Variants in GBP7 observed in about 807,000 individuals in gnomAD.
The protein encoded by GBP7 is guanylate binding protein 7.
Under a neutral mutation model 61.3 loss-of-function variants are expected in GBP7, and 43 were observed. That is an observed-to-expected ratio of 0.70 (90% confidence interval 0.55 to 0.91). The LOEUF (loss-of-function observed/expected upper bound fraction) is 0.91, where lower values mean the gene tolerates loss of function less well. Ranked by LOEUF, GBP7 falls within the 40% of genes least tolerant of loss-of-function variation. GBP7 has a pLI of 0.00. For synonymous variants in GBP7, 267 were observed against 271.0 expected, an observed-to-expected ratio of 0.99 and a Z score of 0.14; for missense variants, 717 against 740.5, an observed-to-expected ratio of 0.97 and a Z score of 0.37.
intron 2 of GBP7, among the ~76,000 whole-genome samples, chr1:89,166,443 C>A (rs1647444183): frequency 6.6e-6 from 1 of 152,106 alleles, no homozygotes; most frequent in African/African-American, 2.4e-5. Flanking sequence ...ATATGTAGCC[C>A]AGTAAGACCA....
intron 1 of GBP7, among the ~76,000 whole-genome samples, chr1:89,174,710 C>T (rs1359005957): frequency 2.6e-5 from 4 of 152,200 alleles, no homozygotes; most frequent in East Asian, 1.9e-4. Flanking sequence ...AGCATTCACA[C>T]GTTATTCATG....
Position 89,132,349 on chromosome 1 carries a change from C to A in GBP7, c.1717G>T (p.Glu573Ter). 1 of 1,611,120 alleles carries A rather than the reference C, an allele frequency of 6.2e-7. No individual in the cohort carries two copies. Among genetic ancestry groups the A allele is most frequent in the Non-Finnish European group, 8.5e-7 (1 of 1,177,548 alleles). The change falls in exon 11 of 11, where the codon GAA becomes TAA. Residue 573 changes from glutamate to a stop codon, truncating the protein, a stop_gained. Transcript: ENST00000294671. LOFTEE classifies it low-confidence loss of function (END_TRUNC). ...GFKEIFESLN[E>*]EINRLKEQIE... ...TGTTCTTTCAGTCGATTAATCTCTT[C>A]ATTTAACGACTCAAATATCTCTTTA...
At chr1:89,164,119 C>T (rs1206386413) in intron 3 of GBP7, among the ~76,000 whole-genome samples, 1 of 152,216 alleles carries the variant, frequency 6.6e-6, no homozygotes, top group African/African-American at 2.4e-5. Flanking sequence ...GTCCACCCGC[C>T]TCGGCCTTGC....
At chr1:89,169,837 AATACTT>A (rs1647549658) in intron 2 of GBP7, among the ~76,000 whole-genome samples, 1 of 152,224 alleles carries the variant, frequency 6.6e-6, no homozygotes, top group African/African-American at 2.4e-5. Flanking sequence ...ATGATAGAAC[AATACTT>A]ATAAAAATGA....
intron 10 of GBP7, among the ~76,000 whole-genome samples, chr1:89,132,930 T>C (rs1013166986): frequency 6.6e-6 from 1 of 152,174 alleles, no homozygotes; most frequent in Non-Finnish European, 1.5e-5. Flanking sequence ...TTTGGGTCCT[T>C]TTGATGGTTG....
intron 2 of GBP7, among the ~76,000 whole-genome samples, chr1:89,170,389 T>C (rs529948485): frequency 6.6e-6 from 1 of 152,298 alleles, no homozygotes; most frequent in East Asian, 1.9e-4. Context: ...TTAAAGAATA[T>C]GCTGAAAATG....
At chr1:89,158,330 A>G (rs539508526) in intron 3 of GBP7, among the ~76,000 whole-genome samples, 2 of 152,352 alleles carry the variant, frequency 1.3e-5, no homozygotes, top group East Asian at 1.9e-4. Flanking sequence ...CACCACTCCT[A>G]TTCAACATAG....
intron 9 of GBP7, among the ~76,000 whole-genome samples, chr1:89,136,721 A>T (rs961686494): frequency 2.0e-5 from 3 of 152,170 alleles, no homozygotes; most frequent in Non-Finnish European, 4.4e-5. Flanking sequence ...ATCTCAAATT[A>T]ACAATCTAAC....
chr1:89,136,434 A>T (rs1681802726), intron 9 of GBP7, among the ~76,000 whole-genome samples: 2 of 141,370 alleles, frequency 1.4e-5, no homozygotes, highest in Non-Finnish European at 3.0e-5. Flanking sequence ...CTCAACAAAT[A>T]AAAAAAAAAC....
intron 6 of GBP7, 90 bp from the exon 7 acceptor site, chr1:89,149,662 A>G (rs1682148148): frequency 2.6e-6 from 3 of 1,133,216 alleles, no homozygotes; most frequent in Non-Finnish European, 2.5e-6. Flanking sequence ...AAAATCAGAA[A>G]AAATTCCATT....
intron 9 of GBP7, among the ~76,000 whole-genome samples, chr1:89,140,296 G>T (rs1200068308): frequency 2.5e-5 from 3 of 118,540 alleles, no homozygotes; most frequent in Admixed American, 9.1e-5. Flanking sequence ...GTTGTGGGGT[G>T]GGGGGAGGGG....
At chr1:89,158,929 G>A (rs914979378) in intron 3 of GBP7, among the ~76,000 whole-genome samples, 5 of 152,154 alleles carry the variant, frequency 3.3e-5, no homozygotes, top group African/African-American at 1.2e-4. Context: ...AAAGAACAAA[G>A]CTGGAGGCAT....
At chr1:89,166,157 C>T (rs1052289724) in intron 2 of GBP7, among the ~76,000 whole-genome samples, 1 of 152,128 alleles carries the variant, frequency 6.6e-6, no homozygotes, top group African/African-American at 2.4e-5. Flanking sequence ...TTATGCAACA[C>T]TCAAGAGGAA....
chr1:89,150,666 A>G (rs1682174289), intron 5 of GBP7, 91 bp from the exon 6 acceptor site: 1 of 1,297,516 alleles, frequency 7.7e-7, no homozygotes, highest in Non-Finnish European at 1.1e-6. Context: ...ATCAATCACT[A>G]CAGTCTCTTG....
chr1:89,149,144 A>G, intron 7 of GBP7, 148 bp downstream of exon 7: 1 of 583,220 alleles, frequency 1.7e-6, no homozygotes, highest in African/African-American at 1.9e-5. Context: ...GAAAAATAAA[A>G]AACTGTAGCC....
chr1:89,172,322 G>A (rs2100663639), intron 1 of GBP7, among the ~76,000 whole-genome samples: 1 of 152,304 alleles, frequency 6.6e-6, no homozygotes, highest in Middle Eastern at 3.4e-3. Context: ...TCCCACTAAT[G>A]TCCTTCTGCT....
intron 3 of GBP7, among the ~76,000 whole-genome samples, chr1:89,163,364 T>C (rs1647327276): frequency 6.6e-6 from 1 of 151,910 alleles, no homozygotes; most frequent in East Asian, 1.9e-4. Context: ...GTACATCTGG[T>C]AAATTCAGCT....
chr1:89,162,797 T>C (rs949083982), intron 3 of GBP7, among the ~76,000 whole-genome samples: 1 of 152,188 alleles, frequency 6.6e-6, no homozygotes, highest in Non-Finnish European at 1.5e-5. Flanking sequence ...TCCAATACTA[T>C]GTTGAACAGG....
intron 5 of GBP7, 41 bp from the exon 6 acceptor site, chr1:89,150,616 T>G: frequency 6.3e-7 from 1 of 1,598,304 alleles, no homozygotes; most frequent in Non-Finnish European, 8.5e-7. Flanking sequence ...AGAACAGGTT[T>G]TAAGTGAGCC....
Sources: gnomAD v4.1 joint callset for allele counts (sites outside exome capture counted in the v4.1 genomes callset) on GRCh38, gnomAD v4.1.1 for gene constraint, MANE v1.5 for transcripts, NCBI Gene and HGNC (gene_info 2026-07-23, HGNC 2026-07-21) for gene names.